The following HIVEP3 variants were observed in gnomAD, a reference collection of about 807,000 sequenced individuals.
HIVEP3 encodes transcription factor HIVEP3.
A neutral mutation model predicts 152.8 loss-of-function variants in HIVEP3; 49 were observed. The observed-to-expected ratio is 0.32, with a 90% CI of 0.26 to 0.41. The LOEUF is 0.41. HIVEP3 is among the 10% of genes least tolerant of loss of function. The probability of loss-of-function intolerance (pLI) is 1.00; values close to 1 mark genes in which losing one functional copy is unlikely to be tolerated. For synonymous variants in HIVEP3, 1,269 were observed against 1,289.0 expected (o/e 0.98, Z 0.33); for missense variants, 2,790 against 3,103.3 (o/e 0.90, Z 2.40).
chr1:41,786,063 A>G (rs1649331556), intron 1 of HIVEP3, among the ~76,000 whole-genome samples: 1 of 152,162 alleles, frequency 6.6e-6, no homozygotes, highest in Non-Finnish European at 1.5e-5. Flanking sequence ...TGAGGGAAAA[A>G]AAGACAGCAT....
At chr1:42,020,049 T>C (rs1462367844) in intron 1 of HIVEP3, among the ~76,000 whole-genome samples, 2 of 152,098 alleles carry the variant, frequency 1.3e-5, no homozygotes, top group Non-Finnish European at 1.5e-5. Flanking sequence ...TCCTAAAGTT[T>C]ATCCCACTTG....
At position 41,888,242 on chromosome 1, in the gene HIVEP3, T is replaced by C. The variant is rs368123811; in HGVS notation, c.-801+30171A>G. Among the ~76,000 whole-genome samples the C allele has an allele frequency of 7.2e-4, 94 of 130,082 alleles. 1 individual carries two copies. The highest frequency in any genetic ancestry group is 9.8e-3 in the Middle Eastern group (2 of 204). 85.3% of individuals were successfully genotyped at this position (130,082 alleles called of 152,430 possible). On this transcript the variant is annotated intron_variant, in intron 1 of 8. Coordinates refer to ENST00000372583, the MANE Select transcript of HIVEP3 (RefSeq NM_024503.5). ...TTTTTTTTTGTATTTTTAGTAGAGA[T>C]GGGGTTTCAACATGTTAGCCAGGAT... is the stretch of plus-strand genomic sequence containing the variant.
intron 1 of HIVEP3, among the ~76,000 whole-genome samples, chr1:41,929,361 GA>G (rs1644984109): frequency 6.6e-6 from 1 of 151,930 alleles, no homozygotes; most frequent in Admixed American, 6.6e-5. Context: ...TGGCCAATAA[GA>G]GCTTTTTCAG....
chr1:41,646,552 G>A (rs943038135), intron 2 of HIVEP3, among the ~76,000 whole-genome samples: 7 of 152,212 alleles, frequency 4.6e-5, no homozygotes, highest in Admixed American at 1.3e-4. Flanking sequence ...AGGAGACCAT[G>A]TTCAAGGGTC....
chr1:41,842,991 C>A (rs187405023), intron 1 of HIVEP3, among the ~76,000 whole-genome samples: 1 of 152,126 alleles, frequency 6.6e-6, no homozygotes, highest in Non-Finnish European at 1.5e-5. Context: ...GCTTTTCTTA[C>A]GCTCAAAAGC....
chr1:41,819,434 T>C (rs1178498606), intron 1 of HIVEP3, among the ~76,000 whole-genome samples: 2 of 152,174 alleles, frequency 1.3e-5, no homozygotes, highest in Non-Finnish European at 2.9e-5. Flanking sequence ...ATTTCCCTTC[T>C]GCTACTTTCT....
Position 41,510,541 on chromosome 1 carries a change from C to T in HIVEP3, c.7131G>A (p.Arg2377=), listed in dbSNP as rs2149045665. 6.3e-7 allele frequency: 1 copy of T among 1,579,500 alleles called. No individual in the cohort carries two copies. The highest frequency in any genetic ancestry group is 2.3e-5 in the East Asian group (1 of 43,156). ...AGGGCTTGGGGGAGTCCTGCCTGGTCCTGGGTTCCCCGGAGAGGTTCCTCG... is the reference window on the plus strand; with the variant it reads ...AGGGCTTGGGGGAGTCCTGCCTGGTTCTGGGTTCCCCGGAGAGGTTCCTCG... The part of the protein sequence containing the change: ...ARTRNLSGEP[R]TRQDSPKPSG... Residue 2377 remains arginine, a synonymous_variant, in exon 9 of 9, where the codon AGG becomes AGA. Coordinates refer to ENST00000372583, the MANE Select transcript of HIVEP3 (RefSeq NM_024503.5).
At position 41,524,735 on chromosome 1, in the gene HIVEP3, C is replaced by A. The variant is rs1466355692; in HGVS notation, c.5383G>T (p.Gly1795Trp). The change falls in exon 6 of 9, where the codon GGG (glycine) becomes TGG (tryptophan). Residue 1795 changes from glycine to tryptophan, a missense_variant and splice_region_variant. By Grantham distance (184) the Gly-to-Trp change is radical. Around this residue, in one of 9 missense-constraint regions of HIVEP3, gnomAD observed 57 missense variants for 95.1 expected, o/e 0.60. Coordinates refer to ENST00000372583, the MANE Select transcript of HIVEP3 (RefSeq NM_024503.5). ...AGTGCCCCAGCTGACTCTCTCTTAC[C>A]TTTGGTTTTAAAAGCAAAGTGACAG... Reference protein sequence around the residue: ...KHCHFAFKTKGNLTKHMKSKA... With the variant: ...KHCHFAFKTKWNLTKHMKSKA... The A allele has an allele frequency of 6.2e-7, 1 of 1,613,504 alleles. No individual in the cohort carries two copies. Among genetic ancestry groups the A allele is most frequent in the Non-Finnish European group, 8.5e-7 (1 of 1,179,942 alleles).
chr1:42,032,316 C>T (rs549972398), intron 1 of HIVEP3, among the ~76,000 whole-genome samples: 12 of 152,290 alleles, frequency 7.9e-5, no homozygotes, highest in African/African-American at 2.9e-4. Context: ...CATCTCACTG[C>T]CACCTCCTTC....
chr1:41,656,387 G>C (rs112462956), intron 2 of HIVEP3, among the ~76,000 whole-genome samples: 32 of 152,340 alleles, frequency 2.1e-4, no homozygotes, highest in African/African-American at 7.7e-4. Flanking sequence ...ATGACACACA[G>C]TAGTTAGTGG....
rs769000363 is a variant in HIVEP3 at position 41,580,918 on chromosome 1, C to A, written c.3880G>T (p.Ala1294Ser). 1 of 1,612,622 alleles carries A rather than the reference C, an allele frequency of 6.2e-7. No homozygotes were observed. Among genetic ancestry groups the A allele is most frequent in the South Asian group, 1.1e-5 (1 of 90,634 alleles). Residue 1294 changes from alanine (A) to serine (S), a missense_variant, in exon 4 of 9, where the codon GCC (alanine) becomes TCC (serine). Ala to Ser is a moderately conservative substitution (Grantham distance 99). Transcript: ENST00000372583. ...GCTGATGTAGGTGCTGAGGAGCTGG[C>A]TGGGGGAGCCACAGGGGGTAGCCGG... ...DIRLPPVAPP[A>S]SSSAPTSAPP...
chr1:41,616,735 G>A (rs957501164), intron 3 of HIVEP3, among the ~76,000 whole-genome samples: 8 of 149,302 alleles, frequency 5.4e-5, no homozygotes, highest in African/African-American at 1.7e-4. Flanking sequence ...TTACAGGCTT[G>A]TGCTACTGCA....
intron 8 of HIVEP3, among the ~76,000 whole-genome samples, chr1:41,512,026 T>C: frequency 6.6e-6 from 1 of 152,036 alleles, no homozygotes; most frequent in East Asian, 1.9e-4. Context: ...TTGGAGATGG[T>C]GATGGTTTTG....
At chr1:41,684,960 C>G (rs1646093441) in intron 2 of HIVEP3, among the ~76,000 whole-genome samples, 1 of 152,202 alleles carries the variant, frequency 6.6e-6, no homozygotes, top group Non-Finnish European at 1.5e-5. Flanking sequence ...CCTTCTCTTA[C>G]TGTTATATGG....
At chr1:41,945,350 C>T (rs1484674574) in intron 1 of HIVEP3, among the ~76,000 whole-genome samples, 1 of 152,166 alleles carries the variant, frequency 6.6e-6, no homozygotes, top group Non-Finnish European at 1.5e-5. Flanking sequence ...AGTGCATGTA[C>T]CTTTTTCTCT....
intron 1 of HIVEP3, among the ~76,000 whole-genome samples, chr1:41,971,669 C>T (rs185931995): frequency 2.0e-3 from 298 of 152,328 alleles, no homozygotes; most frequent in Admixed American, 5.4e-3. Context: ...CAGGATACCA[C>T]CACACACTAC....
intron 4 of HIVEP3, 46 bp from the exon 5 acceptor site, chr1:41,575,735 A>G: frequency 6.2e-7 from 1 of 1,600,850 alleles, no homozygotes; most frequent in African/African-American, 1.3e-5. Context: ...TTAAAAGTGC[A>G]TCCTCAGTCA....
intron 1 of HIVEP3, among the ~76,000 whole-genome samples, chr1:42,021,030 G>C (rs1197144291): frequency 6.6e-6 from 1 of 152,142 alleles, no homozygotes; most frequent in Admixed American, 6.5e-5. Flanking sequence ...GATTTTGCAG[G>C]GTCCTGGAGA....
At chr1:42,003,151 C>T (rs574782706) in intron 1 of HIVEP3, among the ~76,000 whole-genome samples, 1 of 152,214 alleles carries the variant, frequency 6.6e-6, no homozygotes, top group Admixed American at 6.5e-5. Context: ...TCTCGGCTCA[C>T]TGTAACCTCC....
Sources: gnomAD v4.1 joint callset for allele counts (sites outside exome capture counted in the v4.1 genomes callset) on GRCh38, gnomAD v4.1.1 for gene constraint, gnomAD v4.1.1 regional missense constraint, MANE v1.5 for transcripts, NCBI Gene and HGNC (gene_info 2026-07-23, HGNC 2026-07-21) for gene names.